The following SLC38A11 variants were observed in gnomAD, a reference collection of about 807,000 sequenced individuals.
SLC38A11 encodes the protein solute carrier family 38 member 11, also known as putative sodium-coupled neutral amino acid transporter 11.
Under a neutral mutation model 49.4 loss-of-function variants are expected in SLC38A11, and 51 were observed. The observed-to-expected ratio is 1.03, with a 90% CI of 0.83 to 1.30. SLC38A11 has a LOEUF of 1.30. SLC38A11 is among the 50% of genes most tolerant of loss of function. The pLI is 0.00. For synonymous variants in SLC38A11, 203 were observed against 192.9 expected (o/e 1.05, Z -0.43); for missense variants, 574 against 556.2 (o/e 1.03, Z -0.32).
intron 3 of SLC38A11, among the ~76,000 whole-genome samples, chr2:164,949,462 T>C (rs1438851089): frequency 6.6e-6 from 1 of 152,158 alleles, no homozygotes; most frequent in Admixed American, 6.5e-5. Flanking sequence ...TTCACCCTAT[T>C]GGCCAGGCTG....
At chr2:164,911,878 A>G in intron 9 of SLC38A11, 130 bp from the exon 10 acceptor site, 1 of 514,056 alleles carries the variant, frequency 1.9e-6, no homozygotes, top group Non-Finnish European at 3.4e-6. Flanking sequence ...ACAATGCTGT[A>G]TTTTTACTAT....
At chr2:164,900,633 T>C (rs1684591245) in intron 11 of SLC38A11, among the ~76,000 whole-genome samples, 2 of 152,090 alleles carry the variant, frequency 1.3e-5, no homozygotes. Context: ...CCTTTGCCCA[T>C]TTTTTAATCA....
At position 164,915,910 on chromosome 2, in the gene SLC38A11, C is replaced by T. The variant is rs911672530; in HGVS notation, c.681G>A (p.Met227Ile). 1.2e-6 allele frequency: 2 copies of T among 1,601,632 alleles called. No homozygotes were observed. Among genetic ancestry groups the T allele is most frequent in the Non-Finnish European group, 1.7e-6 (2 of 1,170,890 alleles). The change falls in exon 8 of 12, where the codon ATG becomes ATA. Residue 227 changes from methionine to isoleucine, a missense_variant. Physicochemically the swap from Met to Ile is conservative, Grantham distance 10. Transcript: ENST00000685975. Reference protein sequence around the residue: ...KPNAIQAVGVMSFAFICHHNS... With the variant: ...KPNAIQAVGVISFAFICHHNS... ...TTGAAACCAAATACTCACCAAAAGA[C>T]ATAACCCCGACCGCTTGAATGGCAT...
intron 2 of SLC38A11, 62 bp downstream of exon 2, chr2:164,954,569 G>C: frequency 1.5e-6 from 1 of 667,294 alleles, no homozygotes; most frequent in Non-Finnish European, 2.5e-6. Context: ...AACACTAGCA[G>C]CGTAGCGAGT....
chr2:164,942,616 T>C (rs943334615), intron 5 of SLC38A11, among the ~76,000 whole-genome samples: 9 of 152,172 alleles, frequency 5.9e-5, no homozygotes, highest in Non-Finnish European at 1.5e-5. Flanking sequence ...TATATGCCAA[T>C]AGAAAATTTA....
At chr2:164,907,955 T>A (rs1214470036) in intron 11 of SLC38A11, 2 of 152,158 alleles carry the variant, frequency 1.3e-5, no homozygotes, top group Admixed American at 6.6e-5. Flanking sequence ...TTATACTTGC[T>A]CTGGTAGGAA....
intron 5 of SLC38A11, among the ~76,000 whole-genome samples, 159 bp downstream of exon 5, chr2:164,944,410 A>G (rs1485333553): frequency 2.6e-5 from 4 of 152,138 alleles, no homozygotes; most frequent in African/African-American, 9.7e-5. Context: ...GTAGACCAAA[A>G]CTTTAAGATC....
At chr2:164,955,106 G>T in intron 1 of SLC38A11, 103 bp downstream of exon 1, 1 of 1,160,348 alleles carries the variant, frequency 8.6e-7, no homozygotes, top group Non-Finnish European at 1.3e-6. Flanking sequence ...TTTTCGCGGT[G>T]CTAAACCAAG....
intron 2 of SLC38A11, 29 bp downstream of exon 2, chr2:164,954,602 A>T: frequency 8.0e-7 from 1 of 1,248,950 alleles, no homozygotes; most frequent in Non-Finnish European, 1.1e-6. Flanking sequence ...CCTTTCACTT[A>T]AAATTTAAAC....
At chr2:164,929,801 C>T (rs1393932199) in intron 7 of SLC38A11, among the ~76,000 whole-genome samples, 1 of 151,966 alleles carries the variant, frequency 6.6e-6, no homozygotes, top group East Asian at 1.9e-4. Flanking sequence ...TTCAGTGGCT[C>T]CTCATCAAAA....
At chr2:164,902,759 TC>T (rs931160861) in intron 11 of SLC38A11, among the ~76,000 whole-genome samples, 11 of 152,130 alleles carry the variant, frequency 7.2e-5, no homozygotes, top group African/African-American at 2.7e-4. Context: ...ATGACTATGA[TC>T]CCAATTATGT....
intron 7 of SLC38A11, among the ~76,000 whole-genome samples, chr2:164,928,792 A>G (rs1234252422): frequency 6.6e-6 from 1 of 152,112 alleles, no homozygotes; most frequent in Non-Finnish European, 1.5e-5. Context: ...GTTATCAGGC[A>G]TGAATACTCA....
At chr2:164,905,592 C>T (rs1044673224) in intron 11 of SLC38A11, among the ~76,000 whole-genome samples, 1 of 152,076 alleles carries the variant, frequency 6.6e-6, no homozygotes, top group Non-Finnish European at 1.5e-5. Flanking sequence ...GATTTGAATA[C>T]GTTCTTACGC....
chr2:164,903,752 A>G (rs1684813580), intron 11 of SLC38A11, among the ~76,000 whole-genome samples: 1 of 152,172 alleles, frequency 6.6e-6, no homozygotes, highest in African/African-American at 2.4e-5. Context: ...TCTAAGTTAT[A>G]AAGATGGGAC....
rs554204214 is a variant in SLC38A11, at chr2:164,897,488, C to T, written c.*949G>A. The T allele has an allele frequency of 6.6e-6, 1 of 152,328 alleles. No individual in the cohort carries two copies. The highest frequency in any genetic ancestry group is 1.5e-5 in the Non-Finnish European group (1 of 68,184). The allele number at this position is 152,328 out of a possible 1,614,324, so 9.4% of individuals were successfully genotyped here. ...CTCTCCCTAACAATCCTGCTTTCCC[C>T]TCTCTCCCATTAGTTATGATAAACT... On this transcript the variant is annotated 3_prime_UTR_variant, in exon 12 of 12. Coordinates refer to ENST00000685975, the MANE Select transcript of SLC38A11 (RefSeq NM_001351537.2).
intron 11 of SLC38A11, among the ~76,000 whole-genome samples, chr2:164,902,252 C>T (rs1226023679): frequency 6.6e-6 from 1 of 152,070 alleles, no homozygotes; most frequent in East Asian, 1.9e-4. Context: ...AACTCCTGAG[C>T]TCAAGTGATC....
chr2:164,909,581 T>C (rs556095834), intron 10 of SLC38A11, among the ~76,000 whole-genome samples: 63 of 151,396 alleles, frequency 4.2e-4, no homozygotes, highest in Non-Finnish European at 4.7e-4. Context: ...CCCTGAAATA[T>C]GCTTGACCTA....
intron 10 of SLC38A11, among the ~76,000 whole-genome samples, chr2:164,909,077 T>C (rs556447781): frequency 6.6e-6 from 1 of 152,150 alleles, no homozygotes; most frequent in Non-Finnish European, 1.5e-5. Flanking sequence ...AGTTATCTTA[T>C]CCTTCTTTCT....
chr2:164,908,361 G>T (rs1685162637), intron 11 of SLC38A11, among the ~76,000 whole-genome samples: 8 of 152,034 alleles, frequency 5.3e-5, no homozygotes. Flanking sequence ...CCTGCACATT[G>T]TGGGATGTAT....
Sources: allele counts gnomAD v4.1 joint callset (sites outside exome capture counted in the v4.1 genomes callset), GRCh38; gene constraint gnomAD v4.1.1; transcripts MANE v1.5; gene names NCBI Gene and HGNC (gene_info 2026-07-23, HGNC 2026-07-21).